The following PCDH11X variants were observed in gnomAD, a reference collection of about 807,000 sequenced individuals.
PCDH11X encodes protocadherin-11 X-linked.
PCDH11X carries 18 observed loss-of-function variants against 53.3 expected under a neutral mutation model. That is an observed-to-expected ratio of 0.34 (90% CI 0.23 to 0.50). The LOEUF is 0.50. Ranked by LOEUF, PCDH11X falls within the 20% of genes least tolerant of loss-of-function variation. PCDH11X has a pLI of 0.98. For missense variants in PCDH11X, 570 were observed against 1,032.4 expected, an observed-to-expected ratio of 0.55 and a Z score of 6.14; for synonymous variants, 279 against 393.3, an observed-to-expected ratio of 0.71 and a Z score of 3.44.
At chrX:92,063,743 T>A (rs1039065903) in intron 6 of PCDH11X, among the ~76,000 whole-genome samples, 1 of 111,570 alleles carries the variant, frequency 9.0e-6, no homozygotes, top group African/African-American at 3.3e-5. Context: ...TCTTCTTCGA[T>A]GGCTTTGGGG....
chrX:92,478,958 G>T (rs2073446900), intron 10 of PCDH11X, among the ~76,000 whole-genome samples: 1 of 109,350 alleles, frequency 9.1e-6, no homozygotes, highest in Admixed American at 9.8e-5. Flanking sequence ...CTGTCAAAGG[G>T]TGTTGAAATC....
intron 6 of PCDH11X, among the ~76,000 whole-genome samples, chrX:92,101,021 T>C (rs1276775235): frequency 4.5e-4 from 50 of 111,884 alleles, no homozygotes; most frequent in African/African-American, 1.6e-3. Flanking sequence ...TGGGAGGACC[T>C]AGGACATCTG....
chrX:91,973,134 TG>T (rs1243813567), intron 6 of PCDH11X, among the ~76,000 whole-genome samples: 1 of 108,377 alleles, frequency 9.2e-6, no homozygotes, highest in Non-Finnish European at 1.9e-5. Flanking sequence ...TCATGTCCTT[TG>T]TAGGGACATG....
intron 8 of PCDH11X, among the ~76,000 whole-genome samples, chrX:92,364,261 T>G (rs1292366531): frequency 8.9e-6 from 1 of 111,745 alleles, no homozygotes; most frequent in Non-Finnish European, 1.9e-5. Flanking sequence ...TTACATGAAC[T>G]TACACTCTAT....
chrX:92,280,387 A>G (rs1349126378), intron 8 of PCDH11X, among the ~76,000 whole-genome samples: 1 of 110,290 alleles, frequency 9.1e-6, no homozygotes, highest in South Asian at 3.8e-4. Context: ...TGTCTCTACT[A>G]AAATACAAAA....
intron 7 of PCDH11X, among the ~76,000 whole-genome samples, chrX:92,232,803 G>A (rs1231371431): frequency 9.0e-6 from 1 of 111,574 alleles, no homozygotes; most frequent in Non-Finnish European, 1.9e-5. Context: ...TGTAAGCTCC[G>A]CCTTCTGCTT....
Position 92,112,960 on chromosome X carries a change from T to C in PCDH11X, c.3034-88415T>C, listed in dbSNP as rs2064551402. 3.6e-5 allele frequency among the ~76,000 whole-genome samples: 4 copies of C among 109,898 alleles called. No homozygotes were observed. The Admixed American group carries it at 3.9e-4, about 11-fold the overall frequency. On this transcript the variant is annotated intron_variant, in intron 6 of 10. Transcript: ENST00000682573. ...TATTGATTAACTTCCCTGAAGAACATATGACCTTATTTTTGCTTAAAACTA... is the reference window on the plus strand; with the variant it reads ...TATTGATTAACTTCCCTGAAGAACACATGACCTTATTTTTGCTTAAAACTA...
At chrX:92,384,336 C>G (rs1417880733) in intron 8 of PCDH11X, among the ~76,000 whole-genome samples, 4 of 110,374 alleles carry the variant, frequency 3.6e-5, no homozygotes, top group Non-Finnish European at 5.7e-5. Flanking sequence ...TTATGAATTT[C>G]TAAATAGATC....
At chrX:92,208,395 C>G (rs1337086145) in intron 7 of PCDH11X, among the ~76,000 whole-genome samples, 1 of 98,275 alleles carries the variant, frequency 1.0e-5, no homozygotes, top group African/African-American at 3.7e-5. Context: ...TAGTAAGTAC[C>G]AAAGACAGGA....
intron 7 of PCDH11X, among the ~76,000 whole-genome samples, chrX:92,214,137 G>C (rs143776814): frequency 0.01 from 1,153 of 111,918 alleles, 14 homozygotes; most frequent in African/African-American, 0.035. Context: ...AGAGTGAAAT[G>C]GAGGCCACTT....
intron 6 of PCDH11X, among the ~76,000 whole-genome samples, chrX:92,063,386 T>A (rs191788029): frequency 9.0e-6 from 1 of 111,066 alleles, no homozygotes; most frequent in East Asian, 2.8e-4. Flanking sequence ...ATTCTTAAAG[T>A]GAGTTTTTAG....
At chrX:92,460,555 G>A (rs1007219797) in intron 9 of PCDH11X, 1 of 761,380 alleles carries the variant, frequency 1.3e-6, no homozygotes, top group Non-Finnish European at 2.0e-6. Flanking sequence ...TCACAGAGCT[G>A]AGACGTACAG....
chrX:92,593,180 T>C lies in PCDH11X; in HGVS notation c.3368-25084T>C, dbSNP rs1258263399. 2.7e-5 allele frequency among the ~76,000 whole-genome samples: 3 copies of C among 110,948 alleles called. No individual in the cohort carries two copies. The Admixed American group carries it at 2.9e-4, about 11-fold the overall frequency. ...AGGTCAGATATGGTTTGCTAGATGC[T>C]TTAAGGTAATAAACGGCTTCTATGA... On this transcript the variant is annotated intron_variant, in intron 10 of 10. Transcript: ENST00000682573.
intron 6 of PCDH11X, among the ~76,000 whole-genome samples, chrX:92,159,308 C>A (rs1439978241): frequency 9.2e-6 from 1 of 108,707 alleles, no homozygotes; most frequent in Non-Finnish European, 1.9e-5. Context: ...TCATGTGACC[C>A]ACTGCAAAAA....
chrX:92,270,206 T>G (rs1475270771), intron 8 of PCDH11X, among the ~76,000 whole-genome samples: 1 of 109,215 alleles, frequency 9.2e-6, no homozygotes, highest in Non-Finnish European at 1.9e-5. Context: ...CCTCCCAGGT[T>G]TGAGTGATTC....
chrX:91,977,271 G>A (rs1203439098), intron 6 of PCDH11X, among the ~76,000 whole-genome samples: 2 of 111,521 alleles, frequency 1.8e-5, no homozygotes, highest in African/African-American at 6.5e-5. Context: ...CATTGCTGTA[G>A]CATGGTTGTT....
chrX:92,537,045 A>AT (rs1393896561), intron 10 of PCDH11X, among the ~76,000 whole-genome samples: 3 of 110,643 alleles, frequency 2.7e-5, no homozygotes, highest in Non-Finnish European at 3.8e-5. Context: ...GCATTATTGA[A>AT]TTTTTTCTTA....
intron 9 of PCDH11X, among the ~76,000 whole-genome samples, chrX:92,418,102 G>A: frequency 9.4e-6 from 1 of 105,920 alleles, no homozygotes; most frequent in Non-Finnish European, 1.9e-5. Flanking sequence ...TGCTTCCATT[G>A]CCCCAAGCTA....
intron 8 of PCDH11X, among the ~76,000 whole-genome samples, chrX:92,337,875 A>G (rs902713549): frequency 2.7e-5 from 3 of 111,755 alleles, no homozygotes; most frequent in Non-Finnish European, 5.6e-5. Flanking sequence ...ATGTTTAAAG[A>G]TCCATACTAA....
Sources: gnomAD v4.1 joint callset for allele counts (sites outside exome capture counted in the v4.1 genomes callset) on GRCh38, gnomAD v4.1.1 for gene constraint, MANE v1.5 for transcripts, NCBI Gene and HGNC (gene_info 2026-07-23, HGNC 2026-07-21) for gene names.